The following TTC39B variants were observed in gnomAD, a reference collection of about 807,000 sequenced individuals.
TTC39B encodes tetratricopeptide repeat protein 39B.
A neutral mutation model predicts 96.6 loss-of-function variants in TTC39B; 92 were observed. That is an observed-to-expected ratio of 0.95 (90% CI 0.80 to 1.13). TTC39B has a LOEUF of 1.13. Among genes scored for constraint, TTC39B ranks in the 50% most tolerant of loss-of-function variants. The pLI is 0.00. For synonymous variants in TTC39B, 367 were observed against 299.4 expected (o/e 1.23, Z -2.33); for missense variants, 955 against 809.3 (o/e 1.18, Z -2.18).
At chr9:15,239,414 G>A (rs961518960) in intron 2 of TTC39B, among the ~76,000 whole-genome samples, 51 of 152,092 alleles carry the variant, frequency 3.4e-4, no homozygotes, top group Admixed American at 3.3e-3. Flanking sequence ...CCCACTGCCT[G>A]GTATCTACCC....
At chr9:15,252,753 C>T (rs538243988) in intron 2 of TTC39B, among the ~76,000 whole-genome samples, 5 of 152,158 alleles carry the variant, frequency 3.3e-5, no homozygotes, top group South Asian at 4.1e-4. Flanking sequence ...AACAAATGTA[C>T]GATACTAATG....
chr9:15,252,380 G>A (rs1224433149), intron 2 of TTC39B, among the ~76,000 whole-genome samples: 3 of 152,212 alleles, frequency 2.0e-5, no homozygotes, highest in Non-Finnish European at 4.4e-5. Flanking sequence ...CGGGCGCAGT[G>A]GCTCACGCCT....
intron 1 of TTC39B, among the ~76,000 whole-genome samples, chr9:15,294,207 G>A (rs1215105): frequency 0.58 from 76,853 of 132,470 alleles, 19,524 homozygotes; most frequent in East Asian, 0.73. Context: ...TCAGCTGCTA[G>A]CAGCTGGAAA....
At chr9:15,258,835 AGCTTTCCTTCAGAG>A (rs538296820) in intron 2 of TTC39B, among the ~76,000 whole-genome samples, 8 of 152,254 alleles carry the variant, frequency 5.3e-5, no homozygotes, top group Non-Finnish European at 1.0e-4. Context: ...GTTGCTAAGG[AGCTTTCCTTCAGAG>A]GCTTTCCTTC....
intron 14 of TTC39B, 55 bp downstream of exon 14, chr9:15,187,916 C>G (rs1424978646): frequency 1.3e-6 from 2 of 1,492,044 alleles, no homozygotes; most frequent in Admixed American, 4.4e-5. Context: ...AAATGAAAAT[C>G]ATCCTGGCCA....
rs57595064 is a variant in TTC39B, at chr9:15,301,887, G to A, written c.240+5197C>T. Among the ~76,000 whole-genome samples, 814 of 152,212 alleles carry A rather than the reference G, an allele frequency of 5.3e-3. 5 individuals are homozygous for A. The highest frequency in any genetic ancestry group is 0.018 in the African/African-American group (758 of 41,530). ...AAAATTCCTGGGCCAAAAAGCAGGC[G>A]GTAAAAACATGTCACATAAGCCATT... is the stretch of plus-strand genomic sequence containing the variant. On this transcript the variant is annotated intron_variant, in intron 1 of 19. Transcript: ENST00000512701.
intron 1 of TTC39B, among the ~76,000 whole-genome samples, chr9:15,299,671 G>A (rs913504837): frequency 1.3e-5 from 2 of 152,170 alleles, no homozygotes; most frequent in African/African-American, 2.4e-5. Flanking sequence ...AGTAACTTCA[G>A]GAGACTCCGC....
At chr9:15,234,234 C>T (rs1309390374) in intron 2 of TTC39B, among the ~76,000 whole-genome samples, 3 of 151,182 alleles carry the variant, frequency 2.0e-5, no homozygotes, top group East Asian at 2.0e-4. Flanking sequence ...CGTCTCTGCC[C>T]GGCAGCCACC....
At chr9:15,187,382 CAAA>C (rs1451105767) in intron 14 of TTC39B, among the ~76,000 whole-genome samples, 2 of 152,162 alleles carry the variant, frequency 1.3e-5, no homozygotes, top group Non-Finnish European at 2.9e-5. Flanking sequence ...AAAGTCTACA[CAAA>C]ATTATCAACA....
intron 18 of TTC39B, 26 bp from the exon 19 acceptor site, chr9:15,175,161 A>T: frequency 1.4e-6 from 2 of 1,457,900 alleles, no homozygotes; most frequent in Non-Finnish European, 1.9e-6. Flanking sequence ...AAAATCAAGT[A>T]AATCTTAACA....
At chr9:15,262,692 C>T (rs1186814620) in intron 2 of TTC39B, among the ~76,000 whole-genome samples, 1 of 152,064 alleles carries the variant, frequency 6.6e-6, no homozygotes, top group Non-Finnish European at 1.5e-5. Context: ...AAATAAGAAA[C>T]TATTTGCTTT....
chr9:15,237,115 G>C (rs1415488057), intron 2 of TTC39B, among the ~76,000 whole-genome samples: 1 of 152,170 alleles, frequency 6.6e-6, no homozygotes, highest in African/African-American at 2.4e-5. Flanking sequence ...AGGAGTTTGA[G>C]ACCAGCCTGC....
intron 2 of TTC39B, among the ~76,000 whole-genome samples, chr9:15,234,005 G>A (rs1424799307): frequency 1.3e-4 from 19 of 143,382 alleles, no homozygotes; most frequent in Non-Finnish European, 6.0e-5. Context: ...CCTCTGCCCC[G>A]CTGCCCCGTC....
At chr9:15,178,145 AG>A (rs1818057648) in intron 17 of TTC39B, among the ~76,000 whole-genome samples, 1 of 152,142 alleles carries the variant, frequency 6.6e-6, no homozygotes, top group Non-Finnish European at 1.5e-5. Flanking sequence ...CTGGGATTAC[AG>A]GCGTGAGCCA....
chr9:15,212,434 A>AT (rs966008925), intron 4 of TTC39B, among the ~76,000 whole-genome samples: 4 of 151,740 alleles, frequency 2.6e-5, no homozygotes, highest in South Asian at 2.1e-4. Flanking sequence ...TATTTATTTA[A>AT]TTTTTTTTGA....
At chr9:15,301,648 C>T (rs1193999246) in intron 1 of TTC39B, among the ~76,000 whole-genome samples, 19 of 151,646 alleles carry the variant, frequency 1.3e-4, no homozygotes, top group African/African-American at 2.4e-4. Flanking sequence ...CCCAGCTACT[C>T]GGGAGACTGA....
chr9:15,212,279 C>T (rs2131353048), intron 4 of TTC39B, among the ~76,000 whole-genome samples: 1 of 151,294 alleles, frequency 6.6e-6, no homozygotes, highest in African/African-American at 2.4e-5. Context: ...ATTGAGGGCA[C>T]TATCTGTTCA....
At chr9:15,245,077 A>C (rs1822215673) in intron 2 of TTC39B, among the ~76,000 whole-genome samples, 1 of 152,206 alleles carries the variant, frequency 6.6e-6, no homozygotes, top group African/African-American at 2.4e-5. Flanking sequence ...GTAGCTTATG[A>C]GCTTCTTAAG....
intron 2 of TTC39B, among the ~76,000 whole-genome samples, chr9:15,244,240 C>G (rs563299653): frequency 6.6e-6 from 1 of 152,340 alleles, no homozygotes; most frequent in Admixed American, 6.5e-5. Flanking sequence ...GGAGGGTTCT[C>G]TTATTTCTGA....
Sources: allele counts gnomAD v4.1 joint callset (sites outside exome capture counted in the v4.1 genomes callset), GRCh38; gene constraint gnomAD v4.1.1; transcripts MANE v1.5; gene names NCBI Gene and HGNC (gene_info 2026-07-23, HGNC 2026-07-21).